Variants in INSL6 observed in about 807,000 individuals in gnomAD.
INSL6 encodes the protein insulin like 6.
INSL6 carries 16 observed loss-of-function variants against 9.4 expected under a neutral mutation model. The ratio of observed to expected loss-of-function variants is 1.70; its 90% CI spans 1.15 to 2.59. The LOEUF is 2.59. INSL6 is among the 30% of genes most tolerant of loss of function. The probability of loss-of-function intolerance (pLI) is 0.00; values close to 1 mark genes in which losing one functional copy is unlikely to be tolerated. For synonymous variants in INSL6, 154 were observed against 96.9 expected, an observed-to-expected ratio of 1.59 and a Z score of -3.46; for missense variants, 391 against 257.3, an observed-to-expected ratio of 1.52 and a Z score of -3.56.
the INSL6 span, chr9:5,072,621 T>G: frequency 6.3e-7 from 1 of 1,599,626 alleles, no homozygotes; most frequent in East Asian, 2.2e-5. Context: ...CAGAAACTAT[T>G]CAGAGGTGTG....
intron 1 of INSL6, among the ~76,000 whole-genome samples, chr9:5,171,951 C>T (rs1338772188): frequency 6.6e-6 from 1 of 152,172 alleles, no homozygotes; most frequent in Non-Finnish European, 1.5e-5. Flanking sequence ...ATCTAACTAC[C>T]ATCGACATTC....
chr9:5,181,084 T>C (rs970765571), intron 1 of INSL6, among the ~76,000 whole-genome samples: 5 of 152,240 alleles, frequency 3.3e-5, no homozygotes, highest in Admixed American at 3.3e-4. Flanking sequence ...TTATGGAAAA[T>C]AGAACCTACA....
chr9:5,061,471 G>A, the INSL6 span, among the ~76,000 whole-genome samples: 3 of 152,156 alleles, frequency 2.0e-5, no homozygotes, highest in Non-Finnish European at 4.4e-5. Flanking sequence ...TTGCACTTAT[G>A]CTGTGCACAT....
At chr9:5,060,480 ACATTCACAG>A in the INSL6 span, among the ~76,000 whole-genome samples, 1 of 152,222 alleles carries the variant, frequency 6.6e-6, no homozygotes, top group East Asian at 1.9e-4. Flanking sequence ...CTTTTCAACA[ACATTCACAG>A]CATCTTCACC....
At chr9:5,038,596 ATTTT>A in the INSL6 span, among the ~76,000 whole-genome samples, 787 of 146,544 alleles carry the variant, frequency 5.4e-3, 7 homozygotes, top group African/African-American at 0.017. Flanking sequence ...TGGATTTTAG[ATTTT>A]TTTTTTTTTT....
At chr9:5,049,781 T>A in the INSL6 span, among the ~76,000 whole-genome samples, 1 of 152,250 alleles carries the variant, frequency 6.6e-6, no homozygotes, top group Non-Finnish European at 1.5e-5. Flanking sequence ...CAAACCTATA[T>A]GTTATAGCCT....
At chr9:5,020,670 A>G in the INSL6 span, among the ~76,000 whole-genome samples, 2 of 152,154 alleles carry the variant, frequency 1.3e-5, no homozygotes, top group East Asian at 3.9e-4. Context: ...GCAGCCTGCA[A>G]TGGTGGCAGC....
At chr9:5,007,975 C>A in the INSL6 span, among the ~76,000 whole-genome samples, 13 of 152,012 alleles carry the variant, frequency 8.6e-5, no homozygotes, top group South Asian at 1.2e-3. Context: ...ATGATCCCCC[C>A]GCCTCGGCCT....
intron 2 of INSL6, among the ~76,000 whole-genome samples, chr9:5,134,830 C>G (rs540890804): frequency 3.9e-4 from 60 of 152,262 alleles, no homozygotes; most frequent in Non-Finnish European, 1.5e-5. Context: ...CAAAGTCACA[C>G]ATAACAATAT....
rs567016483 is a variant in INSL6, at chr9:5,141,193, T to C, written c.377-7601A>G. 3.3e-5 allele frequency among the ~76,000 whole-genome samples: 5 copies of C among 152,280 alleles called. 1 individual carries two copies. Among genetic ancestry groups the C allele is most frequent in the Admixed American group, 3.3e-4 (5 of 15,304 alleles). Reference sequence around the variant, plus strand: ...ATATGCATGCGTCTTTATAATAGAATGATTTATATTTCTTTGTGTATATAC... The same window carrying C: ...ATATGCATGCGTCTTTATAATAGAACGATTTATATTTCTTTGTGTATATAC... On this transcript the variant is annotated intron_variant, in intron 2 of 3. Coordinates refer to the INSL6 transcript ENST00000649639.
At chr9:5,149,635 A>T (rs1225855407) in intron 2 of INSL6, among the ~76,000 whole-genome samples, 1 of 152,236 alleles carries the variant, frequency 6.6e-6, no homozygotes, top group Non-Finnish European at 1.5e-5. Flanking sequence ...ATGGACTGAA[A>T]TATCTTTAAA....
At chr9:5,016,787 T>C in the INSL6 span, among the ~76,000 whole-genome samples, 1 of 152,166 alleles carries the variant, frequency 6.6e-6, no homozygotes, top group Non-Finnish European at 1.5e-5. Context: ...ACCATTATCC[T>C]AACTTTTTTT....
chr9:5,163,041 T>C (rs754824318), downstream of INSL6, among the ~76,000 whole-genome samples: 1 of 152,220 alleles, frequency 6.6e-6, no homozygotes, highest in African/African-American at 2.4e-5. Context: ...ACTTCAACAG[T>C]AGGACTTCAA....
At chr9:5,034,935 C>G in the INSL6 span, among the ~76,000 whole-genome samples, 4 of 152,232 alleles carry the variant, frequency 2.6e-5, no homozygotes, top group Middle Eastern at 3.4e-3. Flanking sequence ...TCAAAAAAAT[C>G]AATGAATGCT....
At chr9:5,128,235 T>G (rs1824133714) in intron 3 of INSL6, 2 of 231,288 alleles carry the variant, frequency 8.6e-6, no homozygotes, top group Non-Finnish European at 1.7e-5. Flanking sequence ...GACTTCTGAT[T>G]TTGGGTTGAA....
the INSL6 span, chr9:5,021,898 G>T: frequency 3.2e-6 from 3 of 935,610 alleles, no homozygotes; most frequent in Non-Finnish European, 5.0e-6. Context: ...CCCGCAAAGT[G>T]CTAGGATTAC....
rs901007248 is a variant in INSL6, at chr9:5,130,889, C to T, written c.*10+2536G>A. Among the ~76,000 whole-genome samples the T allele has an allele frequency of 2.7e-5, 4 of 150,330 alleles. 1 individual carries two copies. Among genetic ancestry groups the T allele is most frequent in the Non-Finnish European group, 4.4e-5 (3 of 67,542 alleles). On this transcript the variant is annotated intron_variant, in intron 3 of 3. Coordinates refer to the INSL6 transcript ENST00000649639. ...GACTACAGGCGCCTGCCACTACACC[C>T]GGCTAATTTTTTGTATTTTTTAGTA...
chr9:5,039,542 G>A, the INSL6 span, among the ~76,000 whole-genome samples: 1 of 152,016 alleles, frequency 6.6e-6, no homozygotes, highest in Non-Finnish European at 1.5e-5. Context: ...AGATACCAAA[G>A]GATGATTGTG....
At chr9:5,070,648 A>G in the INSL6 span, among the ~76,000 whole-genome samples, 2 of 152,002 alleles carry the variant, frequency 1.3e-5, no homozygotes, top group African/African-American at 2.4e-5. Flanking sequence ...GAAATACTAT[A>G]TTTTCCAACT....
Sources: allele counts gnomAD v4.1 joint callset (sites outside exome capture counted in the v4.1 genomes callset), GRCh38; gene constraint gnomAD v4.1.1; transcripts MANE v1.5; gene names NCBI Gene and HGNC (gene_info 2026-07-23, HGNC 2026-07-21).